The following LEF1 variants were observed in gnomAD, a reference collection of about 807,000 sequenced individuals.
LEF1 encodes lymphoid enhancer-binding factor 1.
Under a neutral mutation model 51.2 loss-of-function variants are expected in LEF1, and 14 were observed. The ratio of observed to expected loss-of-function variants is 0.27; its 90% CI spans 0.18 to 0.43. The LOEUF (loss-of-function observed/expected upper bound fraction) is 0.43, where lower values mean the gene tolerates loss of function less well. Ranked by LOEUF, LEF1 falls within the 20% of genes least tolerant of loss-of-function variation. The probability of loss-of-function intolerance (pLI) is 1.00; values close to 1 mark genes in which losing one functional copy is unlikely to be tolerated. For missense variants in LEF1, 386 were observed against 512.0 expected (o/e 0.75, Z 2.37); for synonymous variants, 185 against 183.2 (o/e 1.01, Z -0.08).
intron 3 of LEF1, among the ~76,000 whole-genome samples, chr4:108,120,361 C>T (rs1742098651): frequency 6.6e-6 from 1 of 152,296 alleles, no homozygotes; most frequent in Admixed American, 6.5e-5. Flanking sequence ...ACCTCTTTAA[C>T]ATCTGGCTTA....
At chr4:108,153,941 T>C (rs887198965) in intron 3 of LEF1, among the ~76,000 whole-genome samples, 5 of 152,198 alleles carry the variant, frequency 3.3e-5, no homozygotes, top group Admixed American at 1.3e-4. Context: ...CAAGTATTTG[T>C]GTTTGTTTAC....
intron 3 of LEF1, among the ~76,000 whole-genome samples, chr4:108,133,180 G>A (rs1167912650): frequency 6.6e-6 from 1 of 151,990 alleles, no homozygotes; most frequent in Non-Finnish European, 1.5e-5. Flanking sequence ...CACCATGTTG[G>A]TCAGGCTGGT....
chr4:108,056,655 A>G (rs535285152), intron 11 of LEF1, among the ~76,000 whole-genome samples: 1 of 152,320 alleles, frequency 6.6e-6, no homozygotes, highest in Middle Eastern at 3.4e-3. Flanking sequence ...AGTCTGTGAC[A>G]GGTGTCACAG....
intron 3 of LEF1, among the ~76,000 whole-genome samples, chr4:108,142,861 G>A (rs750757858): frequency 5.3e-5 from 8 of 152,150 alleles, no homozygotes; most frequent in Non-Finnish European, 1.0e-4. Flanking sequence ...AATCTTAAGA[G>A]AATTTATAAA....
intron 3 of LEF1, among the ~76,000 whole-genome samples, chr4:108,145,533 GA>G (rs1351669847): frequency 2.6e-5 from 4 of 152,190 alleles, no homozygotes; most frequent in Non-Finnish European, 5.9e-5. Context: ...TTAGATATCT[GA>G]AATATCAATT....
intron 3 of LEF1, among the ~76,000 whole-genome samples, chr4:108,144,080 T>C (rs1225048274): frequency 1.3e-5 from 2 of 152,138 alleles, no homozygotes; most frequent in African/African-American, 4.8e-5. Context: ...AGCAAGCCGG[T>C]TGAGGAGCAG....
chr4:108,147,661 C>T (rs1744080686), intron 3 of LEF1, among the ~76,000 whole-genome samples: 1 of 152,178 alleles, frequency 6.6e-6, no homozygotes, highest in Admixed American at 6.5e-5. Context: ...TATGTTGACA[C>T]CTTATTCCTA....
At chr4:108,145,435 G>A (rs1416317738) in intron 3 of LEF1, among the ~76,000 whole-genome samples, 1 of 152,162 alleles carries the variant, frequency 6.6e-6, no homozygotes, top group Non-Finnish European at 1.5e-5. Context: ...TAATTATATA[G>A]TTCAGGTATA....
chr4:108,132,072 A>C (rs1350188483), intron 3 of LEF1, among the ~76,000 whole-genome samples: 1 of 152,214 alleles, frequency 6.6e-6, no homozygotes, highest in African/African-American at 2.4e-5. Context: ...GTATCACAGG[A>C]CTAGACTGAT....
At chr4:108,106,241 C>G (rs77655345) in intron 3 of LEF1, among the ~76,000 whole-genome samples, 6,200 of 152,276 alleles carry the variant, frequency 0.041, 391 homozygotes, top group African/African-American at 0.14. Context: ...AATCTCATCA[C>G]TATTCCCAAG....
At chr4:108,126,500 TA>T (rs1309974832) in intron 3 of LEF1, among the ~76,000 whole-genome samples, 1 of 152,054 alleles carries the variant, frequency 6.6e-6, no homozygotes, top group East Asian at 1.9e-4. Flanking sequence ...TCTTTTTTAA[TA>T]AAAATTAGGT....
chr4:108,140,228 T>C lies in LEF1; in HGVS notation c.414+23340A>G, dbSNP rs566767380. The stretch of plus-strand genomic sequence containing the variant: ...GAGGGAGGGGGGAAAAGCAACTTCA[T>C]TGAAGCCAACGCTCCAGGCAGCCCT... On this transcript the variant is annotated intron_variant, in intron 3 of 11. Coordinates refer to ENST00000265165, the MANE Select transcript of LEF1 (RefSeq NM_016269.5). Among the ~76,000 whole-genome samples the C allele has an allele frequency of 1.1e-4, 17 of 152,270 alleles. 2 individuals carry two copies. In the South Asian group the frequency reaches 2.1e-3, roughly 19 times the overall value.
At chr4:108,094,363 C>A (rs552464470) in intron 3 of LEF1, among the ~76,000 whole-genome samples, 1 of 152,204 alleles carries the variant, frequency 6.6e-6, no homozygotes, top group Non-Finnish European at 1.5e-5. Context: ...AGGTAAGGAC[C>A]TCTTTGGCAT....
At chr4:108,081,792 C>A in intron 5 of LEF1, 123 bp from the exon 6 acceptor site, 1 of 691,312 alleles carries the variant, frequency 1.4e-6, no homozygotes, top group African/African-American at 1.8e-5. Flanking sequence ...TATTACAGAC[C>A]CCGGGATTGT....
rs11932313 is a variant in LEF1 at position 108,103,494 on chromosome 4, G to A, written c.415-14237C>T. ...CAGTTTACGCTACAAATTTCTTCAC[G>A]CTCTCAATTCTTCCAGCTAACTAGA... is the stretch of plus-strand genomic sequence containing the variant. On this transcript the variant is annotated intron_variant, in intron 3 of 11. Coordinates refer to ENST00000265165, the MANE Select transcript of LEF1 (RefSeq NM_016269.5). Among the ~76,000 whole-genome samples, 444 of 152,160 alleles carry A rather than the reference G, an allele frequency of 2.9e-3. 2 individuals are homozygous for A. The highest frequency in any genetic ancestry group is 0.01 in the African/African-American group (418 of 41,490).
intron 3 of LEF1, among the ~76,000 whole-genome samples, chr4:108,153,930 A>G (rs1223245438): frequency 6.6e-6 from 1 of 152,220 alleles, no homozygotes; most frequent in East Asian, 1.9e-4. Context: ...TGAATATATA[A>G]CAAGTATTTG....
At chr4:108,145,538 A>G (rs909923985) in intron 3 of LEF1, among the ~76,000 whole-genome samples, 1 of 152,208 alleles carries the variant, frequency 6.6e-6, no homozygotes, top group African/African-American at 2.4e-5. Context: ...TATCTGAAAT[A>G]TCAATTGATT....
In LEF1 at chr4:108,070,633, G is replaced by C. The variant is rs566645516; in HGVS notation, c.1116+30C>G. On this transcript the variant is annotated intron_variant, in intron 9 of 11. Transcript: ENST00000265165. Reference sequence around the variant, plus strand: ...GCAAAAGAGCGAATGAGTGAGAGTGGAGAGCCACTGGTATGGAGGAGGGGC... The same window carrying C: ...GCAAAAGAGCGAATGAGTGAGAGTGCAGAGCCACTGGTATGGAGGAGGGGC... 1.8e-5 allele frequency: 25 copies of C among 1,422,438 alleles called. No homozygotes were observed. The South Asian group carries it at 2.8e-4, about 16-fold the overall frequency. The allele number at this position is 1,422,438 out of a possible 1,614,324, so 88.1% of individuals were successfully genotyped here.
chr4:108,049,072 A>G lies in LEF1; in HGVS notation c.*7-321T>C, dbSNP rs138384431. Among the ~76,000 whole-genome samples, 700 of 152,340 alleles carry G rather than the reference A, an allele frequency of 4.6e-3. 4 individuals are homozygous for G. The highest frequency in any genetic ancestry group is 0.015 in the African/African-American group (639 of 41,582). ...AAACACCAGTAGGAAACAGGCAAAC[A>G]TGAATAGGGAAGGCGGGCAACAGCC... is the stretch of plus-strand genomic sequence containing the variant. On this transcript the variant is annotated intron_variant, in intron 11 of 11. Coordinates refer to ENST00000265165, the MANE Select transcript of LEF1 (RefSeq NM_016269.5).
Sources: gnomAD v4.1 joint callset for allele counts (sites outside exome capture counted in the v4.1 genomes callset) on GRCh38, gnomAD v4.1.1 for gene constraint, MANE v1.5 for transcripts, NCBI Gene and HGNC (gene_info 2026-07-23, HGNC 2026-07-21) for gene names.